Variants in UQCC1 observed in about 807,000 individuals in gnomAD.
UQCC1 encodes the protein bFGF-repressed Zic-binding protein.
UQCC1 carries 38 observed loss-of-function variants against 48.0 expected under a neutral mutation model. The observed-to-expected ratio is 0.79, with a 90% CI of 0.61 to 1.04. The LOEUF is 1.04. Ranked by LOEUF, UQCC1 falls within the 50% of genes least tolerant of loss-of-function variation. UQCC1 has a pLI of 0.00. For synonymous variants in UQCC1, 111 were observed against 129.2 expected (o/e 0.86, Z 0.95); for missense variants, 368 against 381.8 (o/e 0.96, Z 0.30).
intron 4 of UQCC1, among the ~76,000 whole-genome samples, chr20:35,374,610 T>C (rs1207011477): frequency 6.6e-6 from 1 of 152,108 alleles, no homozygotes; most frequent in Non-Finnish European, 1.5e-5. Flanking sequence ...TCCTTTATAG[T>C]AAAAAAGTAC....
intron 3 of UQCC1, 40 bp from the exon 4 acceptor site, chr20:35,382,065 A>C: frequency 7.5e-7 from 1 of 1,333,948 alleles, no homozygotes; most frequent in Non-Finnish European, 1.1e-6. Context: ...TTAGTTGCAA[A>C]AAATTTTTAA....
chr20:35,388,345 C>G (rs180772458), intron 2 of UQCC1, among the ~76,000 whole-genome samples: 115 of 132,190 alleles, frequency 8.7e-4, no homozygotes, highest in Non-Finnish European at 1.5e-3. Context: ...GGCTGGAGTA[C>G]AGTGGTGTGG....
chr20:35,375,676 C>CA (rs1205706898), intron 4 of UQCC1, among the ~76,000 whole-genome samples: 1 of 152,156 alleles, frequency 6.6e-6, no homozygotes, highest in Non-Finnish European at 1.5e-5. Flanking sequence ...CCAGGCCAGG[C>CA]ATGGTGGCTC....
chr20:35,384,775 G>C (rs1416657184), intron 2 of UQCC1: 2 of 343,512 alleles, frequency 5.8e-6, no homozygotes, highest in African/African-American at 4.4e-5. Context: ...TTGAGAGCCT[G>C]GCCAATATGG....
intron 7 of UQCC1, among the ~76,000 whole-genome samples, chr20:35,323,211 A>G (rs2061151959): frequency 6.6e-6 from 1 of 152,234 alleles, no homozygotes; most frequent in Non-Finnish European, 1.5e-5. Flanking sequence ...TGAGAAATGG[A>G]AGAATCACAC....
At chr20:35,344,937 G>A (rs1421785558) in intron 7 of UQCC1, 1 of 152,236 alleles carries the variant, frequency 6.6e-6, no homozygotes, top group African/African-American at 2.4e-5. Flanking sequence ...CCAATGGCCA[G>A]TGGTTTAATC....
chr20:35,394,019 A>C, intron 2 of UQCC1, 73 bp downstream of exon 2: 1 of 1,445,650 alleles, frequency 6.9e-7, no homozygotes, highest in Non-Finnish European at 9.7e-7. Flanking sequence ...TTGGTTGGCT[A>C]ATCTATAAAT....
intron 1 of UQCC1, among the ~76,000 whole-genome samples, chr20:35,406,615 A>C (rs1003042216): frequency 1.3e-5 from 2 of 152,248 alleles, no homozygotes; most frequent in Non-Finnish European, 2.9e-5. Context: ...TTCAGGTTGA[A>C]ATGAAAGGAA....
At chr20:35,356,091 G>A (rs1018358469) in intron 6 of UQCC1, among the ~76,000 whole-genome samples, 8 of 152,122 alleles carry the variant, frequency 5.3e-5, no homozygotes, top group South Asian at 4.1e-4. Context: ...GTTTCGCCAC[G>A]TTGCCGAGGC....
At chr20:35,407,586 C>G (rs961301018) in intron 1 of UQCC1, among the ~76,000 whole-genome samples, 4 of 152,112 alleles carry the variant, frequency 2.6e-5, no homozygotes, top group African/African-American at 9.7e-5. Flanking sequence ...GATTGATATT[C>G]AAAATATATG....
intron 7 of UQCC1, among the ~76,000 whole-genome samples, chr20:35,335,717 G>T (rs2061308352): frequency 6.6e-6 from 1 of 152,136 alleles, no homozygotes. Flanking sequence ...TCTATCTGAG[G>T]TAATTAAAAT....
chr20:35,325,176 G>A (rs1457883261), intron 7 of UQCC1, among the ~76,000 whole-genome samples: 2 of 152,182 alleles, frequency 1.3e-5, no homozygotes, highest in East Asian at 3.8e-4. Context: ...TAGTCTACCT[G>A]GGGCTGATGG....
chr20:35,364,117 T>C (rs982278253), intron 6 of UQCC1, among the ~76,000 whole-genome samples: 1 of 152,158 alleles, frequency 6.6e-6, no homozygotes, highest in African/African-American at 2.4e-5. Flanking sequence ...CCTCAAATAC[T>C]CCATGTTCTT....
At chr20:35,352,494 C>T (rs1367303029) in intron 6 of UQCC1, among the ~76,000 whole-genome samples, 2 of 152,134 alleles carry the variant, frequency 1.3e-5, no homozygotes, top group Admixed American at 1.3e-4. Context: ...ACAAATATCA[C>T]CAGGGCTGGA....
intron 1 of UQCC1, among the ~76,000 whole-genome samples, chr20:35,399,538 A>G (rs908030462): frequency 2.6e-5 from 4 of 152,024 alleles, no homozygotes; most frequent in African/African-American, 7.2e-5. Context: ...ACTCCAACCC[A>G]AACTATAAGC....
intron 7 of UQCC1, 108 bp from the exon 8 acceptor site, chr20:35,314,873 C>T (rs1403558146): frequency 1.6e-5 from 12 of 743,220 alleles, no homozygotes; most frequent in East Asian, 1.2e-4. Context: ...AGAAGAGAGA[C>T]GGCCACTAAC....
At chr20:35,340,081 T>A (rs772137295) in intron 7 of UQCC1, among the ~76,000 whole-genome samples, 30 of 152,154 alleles carry the variant, frequency 2.0e-4, no homozygotes, top group Admixed American at 5.9e-4. Context: ...CAGCACATCA[T>A]GGTAAGTTCT....
intron 6 of UQCC1, among the ~76,000 whole-genome samples, chr20:35,347,959 C>T (rs1247347111): frequency 1.3e-5 from 2 of 152,086 alleles, no homozygotes; most frequent in East Asian, 1.9e-4. Flanking sequence ...ACATGGCTTG[C>T]GTTATATTTC....
chr20:35,389,746 T>G (rs562445635), intron 2 of UQCC1, among the ~76,000 whole-genome samples: 12 of 152,114 alleles, frequency 7.9e-5, no homozygotes, highest in Non-Finnish European at 1.6e-4. Context: ...AAAAAATCAT[T>G]AGACAAACAC....
Sources: allele counts gnomAD v4.1 joint callset (sites outside exome capture counted in the v4.1 genomes callset), GRCh38; gene constraint gnomAD v4.1.1; transcripts MANE v1.5; gene names NCBI Gene and HGNC (gene_info 2026-07-23, HGNC 2026-07-21).